Variants in AUTS2 observed in about 807,000 individuals in gnomAD.
The protein encoded by AUTS2 is activator of transcription and developmental regulator AUTS2, also known as autism susceptibility gene 2 protein.
In AUTS2, 17 loss-of-function variants were observed where a neutral mutation model predicts 112.4. The ratio of observed to expected loss-of-function variants is 0.15; its 90% CI spans 0.10 to 0.23. The LOEUF (loss-of-function observed/expected upper bound fraction) is 0.23, where lower values mean the gene tolerates loss of function less well. Among genes scored for constraint, AUTS2 ranks in the 10% least tolerant of loss-of-function variants. The probability of loss-of-function intolerance (pLI) is 1.00; values close to 1 mark genes in which losing one functional copy is unlikely to be tolerated. For synonymous variants in AUTS2, 751 were observed against 702.7 expected (o/e 1.07, Z -1.09); for missense variants, 1,510 against 1,701.6 (o/e 0.89, Z 1.98).
intron 4 of AUTS2, among the ~76,000 whole-genome samples, chr7:70,139,982 C>T (rs1562732204): frequency 6.6e-6 from 1 of 152,134 alleles, no homozygotes; most frequent in East Asian, 1.9e-4. Flanking sequence ...GCCTGGGTGA[C>T]AAGAGCGAGA....
intron 5 of AUTS2, among the ~76,000 whole-genome samples, chr7:70,487,035 G>A (rs1245720628): frequency 6.6e-6 from 1 of 152,134 alleles, no homozygotes. Context: ...GCATCCTTGA[G>A]TGAGGTTGGC....
chr7:70,178,998 T>C (rs1425403266), intron 4 of AUTS2, among the ~76,000 whole-genome samples: 3 of 152,186 alleles, frequency 2.0e-5, no homozygotes, highest in Non-Finnish European at 4.4e-5. Context: ...TGTCTCACTT[T>C]CCTGGCTTGC....
At chr7:70,227,145 A>G (rs910621792) in intron 4 of AUTS2, among the ~76,000 whole-genome samples, 6 of 152,142 alleles carry the variant, frequency 3.9e-5, no homozygotes, top group Non-Finnish European at 8.8e-5. Flanking sequence ...TACATTTAAT[A>G]CAGTCTTATA....
At chr7:70,234,513 T>C (rs1333235144) in intron 4 of AUTS2, among the ~76,000 whole-genome samples, 1 of 152,222 alleles carries the variant, frequency 6.6e-6, no homozygotes, top group Non-Finnish European at 1.5e-5. Context: ...TTTTTATGTG[T>C]ATTTTCTCAG....
intron 1 of AUTS2, among the ~76,000 whole-genome samples, chr7:69,601,901 T>C (rs1316554218): frequency 6.6e-6 from 1 of 151,970 alleles, no homozygotes; most frequent in African/African-American, 2.4e-5. Flanking sequence ...AAAGTACTTG[T>C]AAGAGCTGGT....
intron 5 of AUTS2, among the ~76,000 whole-genome samples, chr7:70,462,431 G>A (rs1291150440): frequency 6.6e-6 from 1 of 151,866 alleles, no homozygotes; most frequent in African/African-American, 2.4e-5. Context: ...GTCAGTGGTG[G>A]GTATATAGGT....
chr7:70,428,727 C>T lies in AUTS2; in HGVS notation c.661-7025C>T, dbSNP rs76498007. 7.3e-3 allele frequency among the ~76,000 whole-genome samples: 1,118 copies of T among 152,258 alleles called. 15 individuals carry two copies. Among genetic ancestry groups the T allele is most frequent in the African/African-American group, 0.026 (1,066 of 41,546 alleles). On this transcript the variant is annotated intron_variant, in intron 4 of 18. Transcript: ENST00000342771. ...TACGAAATAACTGTTCCAGCAAGGT[C>T]CATTGAGCAGAATAGAGAGCAATGC...
intron 1 of AUTS2, among the ~76,000 whole-genome samples, chr7:69,886,971 C>A (rs976214725): frequency 1.3e-5 from 2 of 152,164 alleles, no homozygotes; most frequent in Non-Finnish European, 2.9e-5. Flanking sequence ...GAGACTGGGT[C>A]TCACTCTGTT....
chr7:70,205,316 G>C (rs780343867), intron 4 of AUTS2, among the ~76,000 whole-genome samples: 16 of 152,092 alleles, frequency 1.1e-4, no homozygotes, highest in Non-Finnish European at 1.2e-4. Context: ...CTGAGTAGCT[G>C]CAATCACTTA....
chr7:70,573,477 A>AGATTT (rs759479353), intron 5 of AUTS2, among the ~76,000 whole-genome samples: 3 of 152,218 alleles, frequency 2.0e-5, no homozygotes, highest in Non-Finnish European at 4.4e-5. Flanking sequence ...TGATTAGGGG[A>AGATTT]GATTTGATTA....
intron 5 of AUTS2, among the ~76,000 whole-genome samples, chr7:70,562,680 G>A (rs890725005): frequency 1.3e-5 from 2 of 152,094 alleles, no homozygotes; most frequent in African/African-American, 4.8e-5. Context: ...GATAATACTT[G>A]GAACTTAATA....
chr7:70,415,189 A>G (rs1794939239), intron 4 of AUTS2, among the ~76,000 whole-genome samples: 1 of 152,136 alleles, frequency 6.6e-6, no homozygotes, highest in South Asian at 2.1e-4. Flanking sequence ...CCATTCCCCG[A>G]TGATAATGCC....
intron 5 of AUTS2, among the ~76,000 whole-genome samples, chr7:70,680,864 G>C (rs554713640): frequency 1.3e-5 from 2 of 152,306 alleles, no homozygotes; most frequent in African/African-American, 4.8e-5. Flanking sequence ...ACAACCGAAA[G>C]TCTTGTTAGT....
intron 5 of AUTS2, among the ~76,000 whole-genome samples, chr7:70,569,224 C>T (rs1053877531): frequency 7.2e-5 from 11 of 152,160 alleles, no homozygotes; most frequent in African/African-American, 2.7e-4. Flanking sequence ...GCAGCCAGCA[C>T]GTTATGGGAA....
chr7:70,566,791 G>T (rs1801726475), intron 5 of AUTS2, among the ~76,000 whole-genome samples: 1 of 152,164 alleles, frequency 6.6e-6, no homozygotes, highest in African/African-American at 2.4e-5. Flanking sequence ...TTTGAGTCAG[G>T]TAATCTACAT....
intron 17 of AUTS2, among the ~76,000 whole-genome samples, chr7:70,786,535 G>A (rs1791489592): frequency 6.6e-6 from 1 of 152,126 alleles, no homozygotes; most frequent in Non-Finnish European, 1.5e-5. Context: ...GGAGGACTCT[G>A]CAGCTTTCTA....
rs1456793718 is a variant in AUTS2 at position 70,364,322 on chromosome 7, G to A, written c.661-71430G>A. ...CTCACGCCTGTAATCCCAGCACTTT[G>A]GGAGGCCAAGATGGGCAGATCACGA... On this transcript the variant is annotated intron_variant, in intron 4 of 18. Transcript: ENST00000342771. 2.6e-5 allele frequency among the ~76,000 whole-genome samples: 4 copies of A among 151,986 alleles called. No homozygotes were observed. In the South Asian group the frequency reaches 8.3e-4, roughly 31 times the overall value.
chr7:69,991,694 A>G (rs981626057), intron 2 of AUTS2, among the ~76,000 whole-genome samples: 14 of 152,238 alleles, frequency 9.2e-5, no homozygotes, highest in Non-Finnish European at 1.2e-4. Context: ...GTATGATAAT[A>G]TAAATCATTT....
At chr7:70,358,465 T>G (rs1189588724) in intron 4 of AUTS2, among the ~76,000 whole-genome samples, 1 of 152,110 alleles carries the variant, frequency 6.6e-6, no homozygotes, top group East Asian at 1.9e-4. Context: ...CACCCATACT[T>G]TTTGCCCTCA....
Sources: allele counts gnomAD v4.1 joint callset (sites outside exome capture counted in the v4.1 genomes callset), GRCh38; gene constraint gnomAD v4.1.1; transcripts MANE v1.5; gene names NCBI Gene and HGNC (gene_info 2026-07-23, HGNC 2026-07-21).